Variants in IFT46 observed in about 807,000 individuals in gnomAD.
IFT46 encodes the protein intraflagellar transport protein 46 homolog.
IFT46 carries 19 observed loss-of-function variants against 39.6 expected under a neutral mutation model. The ratio of observed to expected loss-of-function variants is 0.48; its 90% CI spans 0.33 to 0.70. IFT46 has a LOEUF of 0.70. IFT46 is among the 30% of genes least tolerant of loss of function. IFT46 has a pLI of 0.01. For missense variants in IFT46, 334 were observed against 364.8 expected, an observed-to-expected ratio of 0.92 and a Z score of 0.69; for synonymous variants, 117 against 134.8, an observed-to-expected ratio of 0.87 and a Z score of 0.91.
At chr11:118,571,231 C>T (rs1555072324) in intron 1 of IFT46, among the ~76,000 whole-genome samples, 1 of 152,126 alleles carries the variant, frequency 6.6e-6, no homozygotes, top group African/African-American at 2.4e-5. Context: ...TCTTTTTTCA[C>T]ATAATATTCT....
At chr11:118,564,930 T>C (rs1555071197) in intron 2 of IFT46, 35 bp downstream of exon 2, 1 of 152,660 alleles carries the variant, frequency 6.6e-6, no homozygotes, top group Non-Finnish European at 1.5e-5. Flanking sequence ...TCCATCCTGC[T>C]CTTTCAGTAG....
intron 5 of IFT46, 35 bp downstream of exon 5, chr11:118,555,213 G>C: frequency 6.3e-7 from 1 of 1,579,444 alleles, no homozygotes. Context: ...GCAAGGTAGG[G>C]ATAGTGGGGT....
In IFT46 at chr11:118,551,775, C is replaced by T; in HGVS notation, c.672+11G>A. The T allele has an allele frequency of 6.2e-7, 1 of 1,611,282 alleles. No homozygotes were observed. The highest frequency in any genetic ancestry group is 8.5e-7 in the Non-Finnish European group (1 of 1,177,524). Reference sequence around the variant, plus strand: ...ACTTTCTTACCCTACCTCCTGCTACCTTCCACTCACCTTGCCCAAAAGCTC... The same window carrying T: ...ACTTTCTTACCCTACCTCCTGCTACTTTCCACTCACCTTGCCCAAAAGCTC... On this transcript the variant is annotated intron_variant, in intron 9 of 11. Transcript: ENST00000264021.
rs73022053 is a variant in IFT46 at position 118,545,098 on chromosome 11, C to T, written c.820-87G>A. On this transcript the variant is annotated intron_variant, in intron 11 of 11. Coordinates refer to ENST00000264021, the MANE Select transcript of IFT46 (RefSeq NM_001168618.2). ...AAGAATTAATTTCTTTAAAATGAAC[C>T]CCCTTTATTTCCTTCCTGCTTCCAT... 1.7e-3 allele frequency: 1,719 copies of T among 1,019,390 alleles called. 1 individual carries two copies. The highest frequency in any genetic ancestry group is 2.3e-3 in the Non-Finnish European group (1,536 of 672,428). 63.1% of individuals were successfully genotyped at this position (1,019,390 alleles called of 1,614,324 possible).
At chr11:118,546,172 C>G in intron 9 of IFT46, 1 of 718,366 alleles carries the variant, frequency 1.4e-6, no homozygotes, top group Non-Finnish European at 2.6e-6. Context: ...TGGGAAGACA[C>G]AGAAGATGGC....
chr11:118,549,687 G>T (rs577104460), intron 9 of IFT46, among the ~76,000 whole-genome samples: 21 of 151,930 alleles, frequency 1.4e-4, no homozygotes, highest in Non-Finnish European at 2.6e-4. Context: ...ACCACGCCTG[G>T]CTAATTATTG....
Position 118,545,592 on chromosome 11 carries a change from T to C in IFT46, c.734-98A>G, listed in dbSNP as rs1298912122. 4.4e-6 allele frequency: 5 copies of C among 1,147,304 alleles called. No individual in the cohort carries two copies. The East Asian group carries it at 1.2e-4, about 27-fold the overall frequency. The allele number at this position is 1,147,304 out of a possible 1,614,324, so 71.1% of individuals were successfully genotyped here. A position where few individuals can be genotyped will look rare whatever the true frequency, so the allele number is the denominator to read the frequency against. On this transcript the variant is annotated intron_variant, in intron 10 of 11. Transcript: ENST00000264021. ...AGGCAAAGCCCTGGCAGATGGGGTG[T>C]CGCTATGACTTTGGGGGTTAAATAC...
At chr11:118,561,865 G>A (rs559042041) in intron 2 of IFT46, among the ~76,000 whole-genome samples, 2 of 152,248 alleles carry the variant, frequency 1.3e-5, no homozygotes, top group East Asian at 1.9e-4. Context: ...AATGACAGGC[G>A]CAGTGGCTCA....
chr11:118,557,354 C>A, intron 3 of IFT46: 1 of 389,756 alleles, frequency 2.6e-6, no homozygotes. Context: ...AGCTTCGGCC[C>A]GAAAAGCTAT....
Position 118,551,843 on chromosome 11 carries a change from G to A in IFT46, c.615C>T (p.Pro205=), listed in dbSNP as rs140341027. 126 of 1,613,864 alleles carry A rather than the reference G, an allele frequency of 7.8e-5. No homozygotes were observed. In the East Asian group the frequency reaches 1.7e-3, roughly 22 times the overall value. The change falls in exon 9 of 12, where the codon CCC becomes CCT. Residue 205 remains proline, a synonymous_variant. Transcript: ENST00000264021. ...ATTCCTGCATCAGCGTGTCAATGTC[G>A]GGCATGGGCCTAAAAGTATAAAGGT... ...PATVHYTRPM[P]DIDTLMQEWS... is the part of the protein sequence containing the mutation.
At chr11:118,558,464 G>A (rs770366940) in intron 3 of IFT46, among the ~76,000 whole-genome samples, 6 of 152,028 alleles carry the variant, frequency 3.9e-5, no homozygotes, top group South Asian at 2.1e-4. Flanking sequence ...GCGTGGTGGC[G>A]CACGCCTGTA....
upstream of IFT46, among the ~76,000 whole-genome samples, chr11:118,575,914 GT>G (rs1938485491): frequency 6.6e-6 from 1 of 151,598 alleles, no homozygotes; most frequent in African/African-American, 2.4e-5. Flanking sequence ...TTCCAAAGTG[GT>G]TAGAACTGGA....
intron 1 of IFT46, chr11:118,565,478 T>C (rs1180961030): frequency 4.6e-4 from 1 of 2,188 alleles, no homozygotes. Flanking sequence ...TGGGGTGGGG[T>C]GGGGTGGGGT....
At position 118,552,352 on chromosome 11, in the gene IFT46, A is replaced by G. The variant is rs1412582269; in HGVS notation, c.484-17T>C. 8.7e-6 allele frequency: 14 copies of G among 1,613,650 alleles called. No homozygotes were observed. The highest frequency in any genetic ancestry group is 1.2e-5 in the Non-Finnish European group (14 of 1,179,822). ...CATATGTTGCTAGGAAAGTAAGGAG[A>G]AAGCCTAGCTGATGGCACTGAAGTA... On this transcript the variant is annotated splice_polypyrimidine_tract_variant and intron_variant, in intron 7 of 11. Transcript: ENST00000264021.
At chr11:118,568,550 AAAAT>A (rs1251269008), upstream of IFT46, among the ~76,000 whole-genome samples, 13 of 152,050 alleles carry the variant, frequency 8.5e-5, no homozygotes, top group African/African-American at 3.1e-4. Flanking sequence ...AGACTGTCTC[AAAAT>A]AAATAAATAA....
intron 7 of IFT46, 124 bp downstream of exon 7, chr11:118,554,335 C>T (rs975254573): frequency 1.6e-5 from 15 of 923,066 alleles, no homozygotes; most frequent in African/African-American, 1.0e-4. Context: ...GGATTACAGG[C>T]GTGAGCCACC....
At chr11:118,572,676 G>A (rs1555072666) in exon 1 of IFT46, 13 of 1,264,634 alleles carry the variant, frequency 1.0e-5, no homozygotes, top group South Asian at 1.4e-5. Flanking sequence ...CTTTTGCTCC[G>A]GGCTCGGGGA....
At chr11:118,553,741 G>A (rs1937733243) in intron 7 of IFT46, among the ~76,000 whole-genome samples, 1 of 152,136 alleles carries the variant, frequency 6.6e-6, no homozygotes, top group Non-Finnish European at 1.5e-5. Context: ...AGAGTGGACA[G>A]AACTAGAGAA....
In IFT46 at chr11:118,565,779, G is replaced by A. The variant is rs549644564; in HGVS notation, c.-133+11C>T. 5 of 152,668 alleles carry A rather than the reference G, an allele frequency of 3.3e-5. No homozygotes were observed. In the South Asian group the frequency reaches 1.0e-3, roughly 32 times the overall value. The allele number at this position is 152,668 out of a possible 1,614,324, so 9.5% of individuals were successfully genotyped here. ...GACAGTTCCCTTTTTGCTGGGATGAGTACTAATTACCTGTAGCCCTTCTGA... is the reference window on the plus strand; with the variant it reads ...GACAGTTCCCTTTTTGCTGGGATGAATACTAATTACCTGTAGCCCTTCTGA... On this transcript the variant is annotated intron_variant, in intron 1 of 11. Transcript: ENST00000264021.
Sources: gnomAD v4.1 joint callset for allele counts (sites outside exome capture counted in the v4.1 genomes callset) on GRCh38, gnomAD v4.1.1 for gene constraint, MANE v1.5 for transcripts, NCBI Gene and HGNC (gene_info 2026-07-23, HGNC 2026-07-21) for gene names.